GLT1D1: variants seen among roughly 807,000 people sequenced by gnomAD.
GLT1D1 encodes glycosyltransferase 1 domain containing 1.
Under a neutral mutation model 28.7 loss-of-function variants are expected in GLT1D1, and 21 were observed. That is an observed-to-expected ratio of 0.73 (90% confidence interval 0.52 to 1.05). The LOEUF is 1.05. Among genes scored for constraint, GLT1D1 ranks in the 50% least tolerant of loss-of-function variants. The pLI, the probability that GLT1D1 is intolerant of heterozygous loss-of-function variation, is 0.00. For missense variants in GLT1D1, 343 were observed against 330.6 expected, an observed-to-expected ratio of 1.04 and a Z score of -0.29; for synonymous variants, 147 against 124.8, an observed-to-expected ratio of 1.18 and a Z score of -1.19.
At chr12:128,916,772 C>T (rs1014318506) in intron 4 of GLT1D1, among the ~76,000 whole-genome samples, 2 of 152,040 alleles carry the variant, frequency 1.3e-5, no homozygotes, top group Admixed American at 6.6e-5. Flanking sequence ...TTAATATTTT[C>T]TCCCATTATC....
chr12:128,925,335 C>T (rs1873099100), intron 4 of GLT1D1, among the ~76,000 whole-genome samples: 1 of 152,232 alleles, frequency 6.6e-6, no homozygotes, highest in South Asian at 2.1e-4. Context: ...TGCTCTGCCT[C>T]CTGCGACCCC....
intron 4 of GLT1D1, among the ~76,000 whole-genome samples, chr12:128,907,665 C>A (rs74871792): frequency 0.11 from 16,851 of 152,238 alleles, 1,122 homozygotes; most frequent in East Asian, 0.24. Flanking sequence ...CTGGATGGAA[C>A]TGCAAATGTT....
intron 2 of GLT1D1, among the ~76,000 whole-genome samples, chr12:128,884,355 A>G (rs1310331284): frequency 1.3e-5 from 2 of 152,250 alleles, no homozygotes; most frequent in African/African-American, 2.4e-5. Context: ...AGTCAAATTC[A>G]TAGAAGCAGA....
At chr12:128,948,544 C>T (rs924805227) in intron 6 of GLT1D1, among the ~76,000 whole-genome samples, 9 of 152,248 alleles carry the variant, frequency 5.9e-5, no homozygotes, top group Admixed American at 2.6e-4. Flanking sequence ...GTTTTCCTGT[C>T]GAAAGGAAAC....
chr12:128,929,753 G>A (rs976398852), intron 4 of GLT1D1, among the ~76,000 whole-genome samples: 1 of 152,190 alleles, frequency 6.6e-6, no homozygotes, highest in Non-Finnish European at 1.5e-5. Context: ...CTGAGGTCAG[G>A]AGTTTGACAC....
intron 4 of GLT1D1, among the ~76,000 whole-genome samples, chr12:128,899,895 C>T (rs149154961): frequency 5.9e-5 from 9 of 152,074 alleles, no homozygotes; most frequent in South Asian, 2.1e-4. Flanking sequence ...TTATCAGCTG[C>T]GCTATAAATG....
intron 4 of GLT1D1, among the ~76,000 whole-genome samples, chr12:128,907,986 T>C (rs1871056652): frequency 6.6e-6 from 1 of 152,262 alleles, no homozygotes; most frequent in Non-Finnish European, 1.5e-5. Context: ...GGAAATTTCC[T>C]GTTGATGTTC....
Position 128,945,584 on chromosome 12 carries a change from G to A in GLT1D1, c.419+215G>A, listed in dbSNP as rs117348296. ...TCACTTTGTGATTATAATTTTTAAT[G>A]GATCACATTGGCCAGAATGGAAAGA... On this transcript the variant is annotated intron_variant, in intron 5 of 7. Coordinates refer to ENST00000281703, the MANE Select transcript of GLT1D1 (RefSeq NM_144669.3). Among the ~76,000 whole-genome samples the A allele has an allele frequency of 2.2e-3, 336 of 152,270 alleles. 1 individual carries two copies. Among genetic ancestry groups the A allele is most frequent in the Non-Finnish European group, 3.4e-3 (231 of 68,026 alleles).
rs1057269638 is a variant in GLT1D1, at chr12:128,904,184, CAT to C, written c.375+4899_375+4900del. Among the ~76,000 whole-genome samples, 12 of 151,952 alleles carry C rather than the reference CAT, an allele frequency of 7.9e-5. 1 individual carries two copies. Among genetic ancestry groups the C allele is most frequent in the African/African-American group, 2.4e-4 (10 of 41,266 alleles). ...ACACACACCTACACTCACACACACA[CAT>C]ACAATGTTTTCGAGAATAATTTCAA... On this transcript the variant is annotated intron_variant, in intron 4 of 7. Coordinates refer to ENST00000281703, the MANE Select transcript of GLT1D1 (RefSeq NM_144669.3).
At chr12:128,959,515 G>T (rs1051773862) in intron 7 of GLT1D1, among the ~76,000 whole-genome samples, 4 of 150,402 alleles carry the variant, frequency 2.7e-5, no homozygotes, top group African/African-American at 9.8e-5. Flanking sequence ...GAGATTGCAA[G>T]TCGCAAGGTA....
chr12:128,950,291 G>C (rs934581975), intron 6 of GLT1D1, among the ~76,000 whole-genome samples: 4 of 152,144 alleles, frequency 2.6e-5, no homozygotes, highest in Non-Finnish European at 5.9e-5. Flanking sequence ...CTTATTCCAT[G>C]ATTGAACACT....
rs561446908 is a variant in GLT1D1, at chr12:128,944,901, A to G, written c.376-425A>G. 3.4e-5 allele frequency: 15 copies of G among 444,912 alleles called. No individual in the cohort carries two copies. In the East Asian group the frequency reaches 5.7e-4, roughly 17 times the overall value. 27.6% of individuals were successfully genotyped at this position (444,912 alleles called of 1,614,324 possible). On this transcript the variant is annotated intron_variant, in intron 4 of 7. Coordinates refer to ENST00000281703, the MANE Select transcript of GLT1D1 (RefSeq NM_144669.3). ...CCATGGTGGTTTGCTGCACCCATCA[A>G]CTCGTCATTTACATTAGGTATTTCT...
At chr12:128,971,952 G>A (rs980401561) in intron 7 of GLT1D1, among the ~76,000 whole-genome samples, 10 of 146,648 alleles carry the variant, frequency 6.8e-5, no homozygotes, top group East Asian at 4.1e-4. Flanking sequence ...GAGTTTTGCC[G>A]GGAGAATCCA....
intron 6 of GLT1D1, among the ~76,000 whole-genome samples, chr12:128,948,985 C>CATCG (rs571671121): frequency 0.023 from 3,517 of 152,258 alleles, 65 homozygotes; most frequent in South Asian, 0.039. Context: ...CGTGATCATC[C>CATCG]TCAGCCAGAT....
chr12:128,854,065 G>C (rs1280739164), intron 1 of GLT1D1, among the ~76,000 whole-genome samples: 1 of 151,948 alleles, frequency 6.6e-6, no homozygotes, highest in African/African-American at 2.4e-5. Context: ...TGCCCTCGCG[G>C]ATCGGGTCTC....
intron 4 of GLT1D1, among the ~76,000 whole-genome samples, chr12:128,942,882 C>T (rs184202563): frequency 1.1e-3 from 174 of 152,106 alleles, no homozygotes; most frequent in Non-Finnish European, 1.9e-3. Flanking sequence ...TCCTGATTAG[C>T]TGGGGCTACA....
Position 128,937,488 on chromosome 12 carries a change from C to A in GLT1D1, c.376-7838C>A, listed in dbSNP as rs539728079. ...GTGGGGTGGAGATGTTACTTCTGGA[C>A]AGGGTGATGGGAAAGTGTCTCAGAG... is the stretch of plus-strand genomic sequence containing the variant. On this transcript the variant is annotated intron_variant, in intron 4 of 7. Coordinates refer to ENST00000281703, the MANE Select transcript of GLT1D1 (RefSeq NM_144669.3). 7.2e-5 allele frequency among the ~76,000 whole-genome samples: 11 copies of A among 152,182 alleles called. No individual in the cohort carries two copies. The East Asian group carries it at 1.9e-3, about 27-fold the overall frequency.
At chr12:128,931,772 C>T (rs1873918304) in intron 4 of GLT1D1, among the ~76,000 whole-genome samples, 2 of 152,208 alleles carry the variant, frequency 1.3e-5, no homozygotes, top group South Asian at 4.1e-4. Context: ...GGAGAAGCCA[C>T]AAGTCCAGAG....
intron 1 of GLT1D1, among the ~76,000 whole-genome samples, chr12:128,860,890 G>A (rs920900833): frequency 9.9e-5 from 15 of 152,108 alleles, no homozygotes; most frequent in African/African-American, 3.6e-4. Context: ...TCACGGAACC[G>A]GGGAAATTGG....
Sources: gnomAD v4.1 joint callset for allele counts (sites outside exome capture counted in the v4.1 genomes callset) on GRCh38, gnomAD v4.1.1 for gene constraint, MANE v1.5 for transcripts, NCBI Gene and HGNC (gene_info 2026-07-23, HGNC 2026-07-21) for gene names.